The following EMG1 variants were observed in gnomAD, a reference collection of about 807,000 sequenced individuals.
EMG1 encodes ribosomal RNA small subunit methyltransferase NEP1.
EMG1 carries 24 observed loss-of-function variants against 26.9 expected under a neutral mutation model. That is an observed-to-expected ratio of 0.89 (90% CI 0.65 to 1.26). The LOEUF is 1.26. Among genes scored for constraint, EMG1 ranks in the 50% most tolerant of loss-of-function variants. EMG1 has a pLI of 0.00. For missense variants in EMG1, 299 were observed against 307.6 expected, an observed-to-expected ratio of 0.97 and a Z score of 0.21; for synonymous variants, 140 against 112.6, an observed-to-expected ratio of 1.24 and a Z score of -1.54.
rs1287109569 is a variant in EMG1 at position 6,987,177 on chromosome 12, C to A, written c.*155-605C>A. 1.3e-5 allele frequency among the ~76,000 whole-genome samples: 2 copies of A among 152,096 alleles called. No homozygotes were observed. The highest frequency in any genetic ancestry group is 2.9e-5 in the Non-Finnish European group (2 of 68,032). On this transcript the variant is annotated intron_variant and NMD_transcript_variant, in intron 6 of 7. Transcript: ENST00000261406. This position sits in a 1 kb window ranked among gnomAD's most constrained non-coding sequence, Gnocchi z 4.1. ...GTACAAGGGGTGGGATCCCATAGGA[C>A]CTGCGCTGTTCAAGGCTCAACTGTA...
At chr12:6,994,487 C>T (rs781993156) in intron 7 of EMG1, among the ~76,000 whole-genome samples, 3 of 152,112 alleles carry the variant, frequency 2.0e-5, no homozygotes, top group African/African-American at 7.2e-5. Context: ...GGATTACAGG[C>T]GTGAGCCACC....
In EMG1 at chr12:6,979,221, AG is replaced by A. The variant is rs1946443886; in HGVS notation, c.*3413del. ...CGTGGATGTGATAAGGCAAGCTAGG[AG>A]CGGCTCCTAGAGAAGGCAACGGGTG... On this transcript the variant is annotated 3_prime_UTR_variant, in exon 6 of 6. Coordinates refer to ENST00000599672, the MANE Select transcript of EMG1 (RefSeq NM_006331.8). The A allele has an allele frequency of 7.5e-6, 4 of 534,400 alleles. No homozygotes were observed. The highest frequency in any genetic ancestry group is 1.3e-5 in the Non-Finnish European group (4 of 299,606). The allele number at this position is 534,400 out of a possible 1,614,324, so 33.1% of individuals were successfully genotyped here.
downstream of EMG1, among the ~76,000 whole-genome samples, chr12:6,989,044 A>G (rs1429418896): frequency 2.0e-5 from 3 of 150,696 alleles, no homozygotes; most frequent in Admixed American, 6.6e-5. Context: ...AATTGCTTGA[A>G]CCTGGGAGGT....
At chr12:6,991,972 A>G (rs1946593861), downstream of EMG1, among the ~76,000 whole-genome samples, 1 of 152,088 alleles carries the variant, frequency 6.6e-6, no homozygotes, top group Non-Finnish European at 1.5e-5. Flanking sequence ...CGGGTAGATC[A>G]CTTTAGGTCA....
chr12:6,986,397 A>G (rs1244902479), intron 6 of EMG1, among the ~76,000 whole-genome samples: 1 of 152,222 alleles, frequency 6.6e-6, no homozygotes, highest in East Asian at 1.9e-4. Flanking sequence ...TAAGAAATAC[A>G]TATATAACAC....
At chr12:6,983,708 A>AAAAG (rs1302123406), downstream of EMG1, among the ~76,000 whole-genome samples, 1 of 152,204 alleles carries the variant, frequency 6.6e-6, no homozygotes, top group Non-Finnish European at 1.5e-5. Flanking sequence ...CCCAAGAACC[A>AAAAG]AAAGTTTTTT....
In EMG1 at chr12:6,975,766, C is replaced by T; in HGVS notation, c.692C>T (p.Ala231Val). 8 of 1,613,268 alleles carry T rather than the reference C, an allele frequency of 5.0e-6. No individual in the cohort carries two copies. The highest frequency in any genetic ancestry group is 6.8e-6 in the Non-Finnish European group (8 of 1,179,218). The change falls in exon 6 of 6, where the codon GCA becomes GTA. Residue 231 changes from alanine (A) to valine (V), a missense_variant. Transcript: ENST00000599672. ...CCCCTTTCTGCTGCCCTCACCTGTG[C>T]AAAACTTACCACAGCCTTTGAGGAA... ...NYPLSAALTC[A>V]KLTTAFEEVW...
At position 6,997,379 on chromosome 12, in the gene EMG1, ATGTGTGTGTGTGTG is replaced by A. The variant is rs201579525; in HGVS notation, c.*402_*415del. ...CATGCCCCCAAAACAACAGCAAATT[ATGTGTGTGTGTGTG>A]TGTGTGTGTGTGTGTGTGTGTGTGT... On this transcript the variant is annotated 3_prime_UTR_variant and NMD_transcript_variant, in exon 8 of 8. Transcript: ENST00000607161. 2.6e-3 allele frequency: 294 copies of A among 114,148 alleles called. 3 individuals carry two copies. The highest frequency in any genetic ancestry group is 6.6e-3 in the Admixed American group (70 of 10,638). The allele number at this position is 114,148 out of a possible 1,614,324, so 7.1% of individuals were successfully genotyped here.
rs958346715 is a variant in EMG1, at chr12:6,977,076, A to C, written c.*1267A>C. The C allele has an allele frequency of 2.8e-6, 3 of 1,058,270 alleles. No homozygotes were observed. The highest frequency in any genetic ancestry group is 2.9e-6 in the Non-Finnish European group (2 of 686,474). The allele number at this position is 1,058,270 out of a possible 1,614,324, so 65.6% of individuals were successfully genotyped here. On this transcript the variant is annotated 3_prime_UTR_variant, in exon 6 of 6. Transcript: ENST00000599672. The surrounding 1 kb of genome is among the most constrained non-coding windows in gnomAD (Gnocchi z 4.5). ...ATTTCTAATACTATTGTTTTTTTCCAGTCTGTTGCTCTATTCTGTAACCTG... is the reference window on the plus strand; with the variant it reads ...ATTTCTAATACTATTGTTTTTTTCCCGTCTGTTGCTCTATTCTGTAACCTG...
chr12:6,991,089 G>C (rs1450723180), downstream of EMG1, among the ~76,000 whole-genome samples: 3 of 152,020 alleles, frequency 2.0e-5, no homozygotes, highest in Non-Finnish European at 2.9e-5. Flanking sequence ...GCCATCTAAT[G>C]AGAAGAATGC....
chr12:6,973,572 T>C (rs1555152558), intron 1 of EMG1, among the ~76,000 whole-genome samples: 1 of 152,178 alleles, frequency 6.6e-6, no homozygotes, highest in Non-Finnish European at 1.5e-5. Flanking sequence ...TTTCTTTTTT[T>C]TGAGATGGAG....
chr12:6,995,641 C>G (rs954911502), intron 7 of EMG1, among the ~76,000 whole-genome samples: 20 of 152,050 alleles, frequency 1.3e-4, no homozygotes, highest in Non-Finnish European at 2.9e-5. Context: ...ATGGATCTCA[C>G]CCTTAAATCC....
chr12:6,981,431 T>C (rs971929678), downstream of EMG1: 43 of 778,758 alleles, frequency 5.5e-5, 1 homozygote, highest in Admixed American at 8.5e-4. Flanking sequence ...CTGGGCAAAT[T>C]AGATTTGTTG....
Position 6,979,267 on chromosome 12 carries a change from A to C in EMG1, c.*3458A>C, listed in dbSNP as rs1167585366. 6.8e-6 allele frequency: 4 copies of C among 588,014 alleles called. No individual in the cohort carries two copies. Among genetic ancestry groups the C allele is most frequent in the Non-Finnish European group, 1.2e-5 (4 of 330,614 alleles). 36.4% of individuals were successfully genotyped at this position (588,014 alleles called of 1,614,324 possible). A position where few individuals can be genotyped will look rare whatever the true frequency, so the allele number is the denominator to read the frequency against. The stretch of plus-strand genomic sequence containing the variant: ...CGGGTGCTAAATGTGCACCTGGCAC[A>C]GCCCTGTGCCCGCGAAGGTTGTTCA... On this transcript the variant is annotated 3_prime_UTR_variant, in exon 6 of 6. Transcript: ENST00000599672.
At position 6,976,337 on chromosome 12, in the gene EMG1, A is replaced by C. The variant is rs1317298178; in HGVS notation, c.*528A>C. The C allele has an allele frequency of 6.5e-6, 1 of 154,178 alleles. No individual in the cohort carries two copies. Among genetic ancestry groups the C allele is most frequent in the East Asian group, 1.9e-4 (1 of 5,210 alleles). The allele number at this position is 154,178 out of a possible 1,614,324, so 9.6% of individuals were successfully genotyped here. A position where few individuals can be genotyped will look rare whatever the true frequency, so the allele number is the denominator to read the frequency against. On this transcript the variant is annotated 3_prime_UTR_variant, in exon 6 of 6. Transcript: ENST00000599672. Reference sequence around the variant, plus strand: ...ATCATAGTAAATTGGCAGAAGAAAAACACAATAGATTCCTGGCTAGATGGG... The same window carrying C: ...ATCATAGTAAATTGGCAGAAGAAAACCACAATAGATTCCTGGCTAGATGGG...
chr12:6,981,303 G>A, downstream of EMG1: 1 of 812,094 alleles, frequency 1.2e-6, no homozygotes, highest in Non-Finnish European at 2.0e-6. Flanking sequence ...CTTCTCTTTG[G>A]GGGATGACAA....
intron 1 of EMG1, among the ~76,000 whole-genome samples, chr12:6,971,640 T>C (rs183783034): frequency 3.3e-5 from 5 of 152,332 alleles, no homozygotes; most frequent in East Asian, 1.9e-4. Context: ...TTGCTTCCAA[T>C]TGGTTTACCA....
rs1300197258 is a variant in EMG1, at chr12:6,979,633, C to T, written c.*3824C>T. The T allele has an allele frequency of 8.1e-7, 1 of 1,238,896 alleles. No individual in the cohort carries two copies. The highest frequency in any genetic ancestry group is 1.5e-5 in the African/African-American group (1 of 67,648). The allele number at this position is 1,238,896 out of a possible 1,614,324, so 76.7% of individuals were successfully genotyped here. A position where few individuals can be genotyped will look rare whatever the true frequency, so the allele number is the denominator to read the frequency against. On this transcript the variant is annotated 3_prime_UTR_variant, in exon 6 of 6. Transcript: ENST00000599672. The stretch of plus-strand genomic sequence containing the variant: ...CACAGAGAGCAGAGACTATTCCCTT[C>T]ACCCTCTGACCTTCAGTTATGGAGA...
chr12:6,982,474 G>T (rs1946480007), downstream of EMG1, among the ~76,000 whole-genome samples: 1 of 152,204 alleles, frequency 6.6e-6, no homozygotes, highest in African/African-American at 2.4e-5. Flanking sequence ...CCTTCCTTGA[G>T]GCAGGCAAAG....
Sources: allele counts gnomAD v4.1 joint callset (sites outside exome capture counted in the v4.1 genomes callset), GRCh38; gene constraint gnomAD v4.1.1; non-coding constraint Gnocchi (gnomAD v3.1); transcripts MANE v1.5; gene names NCBI Gene and HGNC (gene_info 2026-07-23, HGNC 2026-07-21).